The following RIOK2 variants were observed in gnomAD, a reference collection of about 807,000 sequenced individuals.
RIOK2 encodes RIO kinase 2, also known as serine/threonine-protein kinase RIO2.
Under a neutral mutation model 62.4 loss-of-function variants are expected in RIOK2, and 46 were observed. That is an observed-to-expected ratio of 0.74 (90% CI 0.58 to 0.94). RIOK2 has a LOEUF of 0.94. Among genes scored for constraint, RIOK2 ranks in the 40% least tolerant of loss-of-function variants. The pLI, the probability that RIOK2 is intolerant of heterozygous loss-of-function variation, is 0.00. For synonymous variants in RIOK2, 197 were observed against 216.0 expected, an observed-to-expected ratio of 0.91 and a Z score of 0.77; for missense variants, 574 against 658.0, an observed-to-expected ratio of 0.87 and a Z score of 1.40.
rs990311676 is a variant in RIOK2 at position 97,177,189 on chromosome 5, T to A, written c.425A>T (p.His142Leu). Residue 142 changes from histidine (H) to leucine (L), a missense_variant, in exon 4 of 10, where the codon CAT (histidine) becomes CTT (leucine). By Grantham distance (99) the His-to-Leu change is moderately conservative. Coordinates refer to ENST00000283109, the MANE Select transcript of RIOK2 (RefSeq NM_018343.3). The stretch of plus-strand genomic sequence containing the variant: ...CCATGACACATTGTGCCTATGTTTA[T>A]GATAATCGCGTTTGTTTTTCAAATT... Reference protein sequence around the residue: ...FRNLKNKRDYHKHRHNVSWLY... With the variant: ...FRNLKNKRDYLKHRHNVSWLY... The A allele has an allele frequency of 9.9e-6, 16 of 1,613,434 alleles. No homozygotes were observed. Among genetic ancestry groups the A allele is most frequent in the Non-Finnish European group, 1.4e-5 (16 of 1,179,652 alleles).
intron 1 of RIOK2, among the ~76,000 whole-genome samples, chr5:97,180,774 A>G (rs1453145704): frequency 6.6e-6 from 1 of 152,144 alleles, no homozygotes; most frequent in Non-Finnish European, 1.5e-5. Context: ...AGGAAGGAAT[A>G]AAAATCTTTA....
chr5:97,179,967 A>ATG (rs1471139689), intron 1 of RIOK2, among the ~76,000 whole-genome samples: 2 of 53,348 alleles, frequency 3.7e-5, no homozygotes, highest in East Asian at 5.3e-4. Flanking sequence ...AGTATTTTAT[A>ATG]TATATATATA....
At position 97,183,223 on chromosome 5, in the gene RIOK2, C is replaced by A. The variant is rs76849192; in HGVS notation, c.-32G>T. ...CCCAGTCCGAACCCAGATGCCTCTC[C>A]GACGACAGCCGCAAAGCGTAAGGCA... On this transcript the variant is annotated 5_prime_UTR_variant, in exon 1 of 10. Coordinates refer to ENST00000283109, the MANE Select transcript of RIOK2 (RefSeq NM_018343.3). 6.2e-7 allele frequency: 1 copy of A among 1,611,990 alleles called. No homozygotes were observed. Among genetic ancestry groups the A allele is most frequent in the South Asian group, 1.1e-5 (1 of 91,024 alleles).
intron 1 of RIOK2, 95 bp downstream of exon 1, chr5:97,183,029 CAG>C (rs1327155707): frequency 1.5e-5 from 19 of 1,296,962 alleles, no homozygotes; most frequent in Non-Finnish European, 2.1e-5. Flanking sequence ...TCCCGGGTCC[CAG>C]AGTGTGCCTG....
chr5:97,177,939 A>G, intron 2 of RIOK2, 91 bp from the exon 3 acceptor site: 2 of 766,940 alleles, frequency 2.6e-6, no homozygotes, highest in Non-Finnish European at 2.2e-6. Context: ...ATTTAACAAT[A>G]AAGTCTTCAT....
At chr5:97,171,179 A>T (rs772513076) in intron 6 of RIOK2, 27 bp downstream of exon 6, 1 of 1,342,334 alleles carries the variant, frequency 7.4e-7, no homozygotes, top group Admixed American at 2.8e-5. Flanking sequence ...AAAATAAAAT[A>T]AAAATAAAAA....
At chr5:97,163,499 C>CT (rs1748758496) in intron 9 of RIOK2, among the ~76,000 whole-genome samples, 1 of 152,166 alleles carries the variant, frequency 6.6e-6, no homozygotes, top group African/African-American at 2.4e-5. Flanking sequence ...CAAGATGAAA[C>CT]TGCTTGTTCC....
chr5:97,171,153 C>T (rs1748996830), intron 6 of RIOK2, 53 bp downstream of exon 6: 1 of 1,246,224 alleles, frequency 8.0e-7, no homozygotes, highest in South Asian at 2.6e-5. Context: ...AAGCAAAACT[C>T]CGTCTCCAAA....
intron 2 of RIOK2, 79 bp downstream of exon 2, chr5:97,178,976 A>G (rs1749258418): frequency 6.5e-7 from 1 of 1,540,600 alleles, no homozygotes; most frequent in Non-Finnish European, 9.0e-7. Flanking sequence ...GGCAACTTCT[A>G]CTTCTTGACT....
chr5:97,180,689 C>G (rs1390575283), intron 1 of RIOK2, among the ~76,000 whole-genome samples: 1 of 151,958 alleles, frequency 6.6e-6, no homozygotes, highest in Non-Finnish European at 1.5e-5. Flanking sequence ...TGAGGGGGTA[C>G]TCCGGAGAAC....
chr5:97,167,863 A>C lies in RIOK2; in HGVS notation c.1001T>G (p.Phe334Cys). Residue 334 changes from phenylalanine to cysteine, a missense_variant, in exon 8 of 10, where the codon TTC (phenylalanine) becomes TGC (cysteine). Physicochemically the swap from Phe to Cys is radical, Grantham distance 205. Transcript: ENST00000283109. ...TGCCACTTCTCCATCTGAAAATGAGAATTCAGATCCCTCTTTTGTTTCAAT... is the reference window on the plus strand; with the variant it reads ...TGCCACTTCTCCATCTGAAAATGAGCATTCAGATCCCTCTTTTGTTTCAAT... ...KNIETKEGSEFSFSDGEVAEK... is the reference protein window; with the variant it reads ...KNIETKEGSECSFSDGEVAEK... 1 of 1,614,004 alleles carries C rather than the reference A, an allele frequency of 6.2e-7. No homozygotes were observed. The highest frequency in any genetic ancestry group is 8.5e-7 in the Non-Finnish European group (1 of 1,180,014).
At chr5:97,180,504 A>G (rs1328428094) in intron 1 of RIOK2, among the ~76,000 whole-genome samples, 1 of 152,130 alleles carries the variant, frequency 6.6e-6, no homozygotes, top group Non-Finnish European at 1.5e-5. Flanking sequence ...CGCGGCTGGA[A>G]GATACTTCTA....
rs145374999 is a variant in RIOK2 at position 97,167,712 on chromosome 5, C to T, written c.1152G>A (p.Glu384=). Residue 384 remains glutamate, a synonymous_variant, in exon 8 of 10, where the codon GAG becomes GAA. Coordinates refer to ENST00000283109, the MANE Select transcript of RIOK2 (RefSeq NM_018343.3). ...EQIKEDSLSE[E]SADARSFEMT... is the part of the protein sequence containing the mutation. ...TTTCAAAACTCCGTGCATCAGCACT[C>T]TCTTCTGATAAACTGTCTTCCTTTA... The T allele has an allele frequency of 6.2e-7, 1 of 1,614,184 alleles. No homozygotes were observed. The highest frequency in any genetic ancestry group is 1.3e-5 in the African/African-American group (1 of 75,072).
rs1748689512 is a variant in RIOK2, at chr5:97,161,270, A to G, written c.*1791T>C. The G allele has an allele frequency of 6.6e-6, 1 of 152,212 alleles. No individual in the cohort carries two copies. The highest frequency in any genetic ancestry group is 2.4e-5 in the African/African-American group (1 of 41,452). 9.4% of individuals were successfully genotyped at this position (152,212 alleles called of 1,614,324 possible). On this transcript the variant is annotated 3_prime_UTR_variant, in exon 10 of 10. Transcript: ENST00000283109. Reference sequence around the variant, plus strand: ...CCTAGGCAAAAAAAAGTGTTTTAACAATCACAATATACAGCTTTACATTAG... The same window carrying G: ...CCTAGGCAAAAAAAAGTGTTTTAACGATCACAATATACAGCTTTACATTAG...
chr5:97,162,844 G>T lies in RIOK2; in HGVS notation c.*217C>A. ...ATGCAAATGTCTCTAATAAAGTTAC[G>T]TAACTGTAGTTACCCAAATTACTTT... On this transcript the variant is annotated 3_prime_UTR_variant, in exon 10 of 10. Transcript: ENST00000283109. 4 of 454,146 alleles carry T rather than the reference G, an allele frequency of 8.8e-6. No individual in the cohort carries two copies. Among genetic ancestry groups the T allele is most frequent in the Admixed American group, 4.0e-5 (1 of 24,894 alleles). 28.1% of individuals were successfully genotyped at this position (454,146 alleles called of 1,614,324 possible).
chr5:97,183,203 T>G lies in RIOK2; in HGVS notation c.-12A>C, dbSNP rs753045285. 6.8e-6 allele frequency: 11 copies of G among 1,614,072 alleles called. No homozygotes were observed. Among genetic ancestry groups the G allele is most frequent in the Non-Finnish European group, 8.5e-6 (10 of 1,179,954 alleles). On this transcript the variant is annotated 5_prime_UTR_variant, in exon 1 of 10. Transcript: ENST00000283109. ...TTCACTTTCCCCATGGCGGCCCCAG[T>G]CCGAACCCAGATGCCTCTCCGACGA...
intron 8 of RIOK2, chr5:97,166,314 AT>A (rs1395421558): frequency 2.2e-6 from 1 of 455,710 alleles, no homozygotes; most frequent in African/African-American, 2.0e-5. Flanking sequence ...TAAGCTTCTG[AT>A]TTAATTTTCC....
chr5:97,167,549 G>A lies in RIOK2; in HGVS notation c.1315C>T (p.Pro439Ser). 1 of 1,614,126 alleles carries A rather than the reference G, an allele frequency of 6.2e-7. No homozygotes were observed. Among genetic ancestry groups the A allele is most frequent in the Non-Finnish European group, 8.5e-7 (1 of 1,180,000 alleles). The change falls in exon 8 of 10, where the codon CCT (proline) becomes TCT (serine). Residue 439 changes from proline (P) to serine (S), a missense_variant. Physicochemically the swap from Pro to Ser is moderately conservative, Grantham distance 74. Transcript: ENST00000283109. Reference protein sequence around the residue: ...QDGQRVQGGVPAGSDEYEDEC... With the variant: ...QDGQRVQGGVSAGSDEYEDEC... ...TCTTCATACTCGTCAGAGCCAGCAG[G>A]GACTCCTCCTTGAACTCTCTGACCA...
chr5:97,164,356 C>T (rs1416700084), intron 9 of RIOK2, among the ~76,000 whole-genome samples: 1 of 151,908 alleles, frequency 6.6e-6, no homozygotes, highest in Non-Finnish European at 1.5e-5. Context: ...CAAAAATTAG[C>T]CAGCCATGGT....
Sources: gnomAD v4.1 joint callset for allele counts (sites outside exome capture counted in the v4.1 genomes callset) on GRCh38, gnomAD v4.1.1 for gene constraint, MANE v1.5 for transcripts, NCBI Gene and HGNC (gene_info 2026-07-23, HGNC 2026-07-21) for gene names.